Variants in DLG2 observed in about 807,000 individuals in gnomAD.
DLG2 encodes disks large homolog 2.
In DLG2, 45 loss-of-function variants were observed where a neutral mutation model predicts 132.5. The observed-to-expected ratio is 0.34, with a 90% CI of 0.27 to 0.44. DLG2 has a LOEUF of 0.44. DLG2 is among the 20% of genes least tolerant of loss of function. The pLI is 1.00. For missense variants in DLG2, 1,045 were observed against 1,196.9 expected (o/e 0.87, Z 1.87); for synonymous variants, 424 against 419.6 (o/e 1.01, Z -0.13).
chr11:83,633,457 G>A (rs1042319202), intron 18 of DLG2, 132 bp from the exon 19 acceptor site: 8 of 670,426 alleles, frequency 1.2e-5, no homozygotes, highest in Admixed American at 7.0e-5. Context: ...GCAACTCAAG[G>A]GTATGCCTGT....
chr11:84,899,561 T>C (rs1441889052), intron 6 of DLG2, among the ~76,000 whole-genome samples: 1 of 152,082 alleles, frequency 6.6e-6, no homozygotes, highest in East Asian at 1.9e-4. Flanking sequence ...CTCTGCTATC[T>C]GCTTCTGCTT....
chr11:83,961,380 T>G (rs145468987), intron 14 of DLG2, among the ~76,000 whole-genome samples: 46 of 152,190 alleles, frequency 3.0e-4, no homozygotes, highest in African/African-American at 1.1e-3. Flanking sequence ...TTATATGACT[T>G]GGTTTTCATT....
At chr11:85,075,681 T>A (rs1040734043) in intron 6 of DLG2, among the ~76,000 whole-genome samples, 1 of 151,874 alleles carries the variant, frequency 6.6e-6, no homozygotes, top group African/African-American at 2.4e-5. Flanking sequence ...TATATATGCA[T>A]ATATGTGCAT....
intron 18 of DLG2, among the ~76,000 whole-genome samples, chr11:83,775,961 A>G (rs886500823): frequency 5.3e-5 from 8 of 152,192 alleles, no homozygotes; most frequent in East Asian, 3.9e-4. Context: ...GTGTGGTGGC[A>G]GGAGCCTGTA....
At chr11:84,526,842 A>T (rs568181595) in intron 7 of DLG2, among the ~76,000 whole-genome samples, 1 of 141,158 alleles carries the variant, frequency 7.1e-6, no homozygotes, top group Non-Finnish European at 1.5e-5. Flanking sequence ...GCAGTGGCGC[A>T]ATCTCGGCTC....
At position 83,762,453 on chromosome 11, in the gene DLG2, A is replaced by AT. The variant is rs551470204; in HGVS notation, c.1825+24236dup. ...CATCACCTCACATTTTGTTCTAAAG[A>AT]TTTTGTCGACTATACCTCACATTTT... On this transcript the variant is annotated intron_variant, in intron 18 of 27. Coordinates refer to ENST00000376104, the MANE Select transcript of DLG2 (RefSeq NM_001142699.3). 6.9e-4 allele frequency among the ~76,000 whole-genome samples: 105 copies of AT among 152,304 alleles called. 1 individual carries two copies. The highest frequency in any genetic ancestry group is 2.4e-3 in the African/African-American group (99 of 41,574).
chr11:85,165,129 G>A (rs563602003), intron 4 of DLG2, among the ~76,000 whole-genome samples: 3 of 152,306 alleles, frequency 2.0e-5, no homozygotes, highest in Admixed American at 2.0e-4. Context: ...TTTACGAAGA[G>A]ATAGATGATT....
intron 17 of DLG2, chr11:83,790,941 A>G: frequency 5.3e-6 from 5 of 946,468 alleles, no homozygotes; most frequent in East Asian, 2.4e-5. Flanking sequence ...CAGAAGTCCA[A>G]TAACGACAGG....
intron 14 of DLG2, among the ~76,000 whole-genome samples, chr11:83,960,164 A>G (rs2088171465): frequency 1.3e-5 from 2 of 152,018 alleles, no homozygotes; most frequent in South Asian, 4.1e-4. Flanking sequence ...TCTCTGACCA[A>G]TGCCTACACA....
intron 3 of DLG2, among the ~76,000 whole-genome samples, chr11:85,403,512 A>G (rs1295148732): frequency 6.6e-6 from 1 of 152,048 alleles, no homozygotes; most frequent in Non-Finnish European, 1.5e-5. Flanking sequence ...ATTTAAAAAA[A>G]AGAAAGATGA....
intron 4 of DLG2, among the ~76,000 whole-genome samples, chr11:85,231,588 T>G (rs948703380): frequency 2.0e-5 from 3 of 151,980 alleles, no homozygotes; most frequent in Admixed American, 6.6e-5. Context: ...TCCTATCTAG[T>G]GATTTCTTAA....
chr11:83,944,521 T>C (rs1384753), intron 14 of DLG2, among the ~76,000 whole-genome samples: 18,780 of 152,196 alleles, frequency 0.12, 1,285 homozygotes, highest in Middle Eastern at 0.17. Context: ...TGGCCCAGTA[T>C]AGCCGATGGA....
intron 6 of DLG2, among the ~76,000 whole-genome samples, chr11:85,089,970 T>G (rs527781452): frequency 3.2e-4 from 48 of 152,214 alleles, no homozygotes; most frequent in Non-Finnish European, 5.9e-4. Flanking sequence ...CTATAATGTT[T>G]AAATTTGATC....
intron 6 of DLG2, among the ~76,000 whole-genome samples, chr11:84,564,155 G>A (rs61898963): frequency 0.11 from 16,821 of 152,240 alleles, 1,002 homozygotes; most frequent in African/African-American, 0.16. Context: ...GACCCTAACT[G>A]AAGCTGTGAC....
At chr11:83,699,879 T>G (rs2153639131) in intron 18 of DLG2, among the ~76,000 whole-genome samples, 1 of 137,390 alleles carries the variant, frequency 7.3e-6, no homozygotes, top group East Asian at 2.0e-4. Flanking sequence ...CTGTCTGTCT[T>G]TCTATGTATG....
chr11:84,715,112 A>T (rs2153785321), intron 6 of DLG2, among the ~76,000 whole-genome samples: 1 of 152,236 alleles, frequency 6.6e-6, no homozygotes, highest in African/African-American at 2.4e-5. Flanking sequence ...TAACATTTTC[A>T]AAAACTTTCC....
At chr11:83,604,697 G>A (rs2059060270) in intron 19 of DLG2, among the ~76,000 whole-genome samples, 1 of 152,130 alleles carries the variant, frequency 6.6e-6, no homozygotes, top group Non-Finnish European at 1.5e-5. Flanking sequence ...TAACACATGT[G>A]CCACTCAGGT....
chr11:84,465,978 T>C (rs2099093288), intron 7 of DLG2, among the ~76,000 whole-genome samples: 1 of 151,300 alleles, frequency 6.6e-6, no homozygotes, highest in African/African-American at 2.4e-5. Context: ...TAATTTGATG[T>C]TGCCATACTA....
intron 14 of DLG2, among the ~76,000 whole-genome samples, chr11:83,958,375 C>T (rs1200758375): frequency 6.6e-6 from 1 of 152,006 alleles, no homozygotes; most frequent in Non-Finnish European, 1.5e-5. Flanking sequence ...TTTATTGAGG[C>T]TTTTTTTATA....
Sources: gnomAD v4.1 joint callset for allele counts (sites outside exome capture counted in the v4.1 genomes callset) on GRCh38, gnomAD v4.1.1 for gene constraint, MANE v1.5 for transcripts, NCBI Gene and HGNC (gene_info 2026-07-23, HGNC 2026-07-21) for gene names.